Variants in TRDN observed in about 807,000 individuals in gnomAD.
TRDN encodes triadin in skeletal muscle.
TRDN carries 161 observed loss-of-function variants against 149.7 expected under a neutral mutation model. The observed-to-expected ratio is 1.08, with a 90% CI of 0.95 to 1.23. The LOEUF (loss-of-function observed/expected upper bound fraction) is 1.23, where lower values mean the gene tolerates loss of function less well. Among genes scored for constraint, TRDN ranks in the 50% most tolerant of loss-of-function variants. The pLI is 0.00. For synonymous variants in TRDN, 294 were observed against 250.5 expected, an observed-to-expected ratio of 1.17 and a Z score of -1.64; for missense variants, 896 against 823.5, an observed-to-expected ratio of 1.09 and a Z score of -1.08.
intron 13 of TRDN, among the ~76,000 whole-genome samples, chr6:123,393,142 A>C (rs1772571228): frequency 2.0e-5 from 3 of 152,018 alleles, no homozygotes; most frequent in African/African-American, 7.2e-5. Flanking sequence ...ATTTTCTTAG[A>C]TGGCTCATAA....
At chr6:123,405,798 C>A (rs1421370688) in intron 12 of TRDN, among the ~76,000 whole-genome samples, 2 of 151,948 alleles carry the variant, frequency 1.3e-5, no homozygotes, top group African/African-American at 2.4e-5. Context: ...ACCAATGGCC[C>A]CATACTAATT....
chr6:123,239,842 A>G (rs557201331), intron 38 of TRDN, among the ~76,000 whole-genome samples: 1 of 152,172 alleles, frequency 6.6e-6, no homozygotes, highest in South Asian at 2.1e-4. Flanking sequence ...GATATTTATA[A>G]AGGAAACAGA....
intron 8 of TRDN, chr6:123,502,585 G>T (rs1778744824): frequency 2.0e-6 from 2 of 984,630 alleles, no homozygotes; most frequent in African/African-American, 1.7e-5. Context: ...AAATTCAAGA[G>T]AAAAAAGATG....
chr6:123,427,508 C>G (rs113914014), intron 12 of TRDN, among the ~76,000 whole-genome samples: 2,880 of 151,868 alleles, frequency 0.019, 52 homozygotes, highest in Non-Finnish European at 0.032. Context: ...AGAAAGATAC[C>G]CACTCTTTCT....
At chr6:123,372,110 C>T (rs974794860) in intron 19 of TRDN, among the ~76,000 whole-genome samples, 5 of 151,922 alleles carry the variant, frequency 3.3e-5, no homozygotes, top group Non-Finnish European at 5.9e-5. Context: ...CATGCTGGTT[C>T]AGGCCTATAG....
At chr6:123,589,973 A>T (rs144677357) in intron 1 of TRDN, among the ~76,000 whole-genome samples, 1 of 152,234 alleles carries the variant, frequency 6.6e-6, no homozygotes, top group African/African-American at 2.4e-5. Flanking sequence ...TATAAATGAT[A>T]GTAGTCCTAT....
At chr6:123,255,532 T>A (rs752760992) in intron 36 of TRDN, among the ~76,000 whole-genome samples, 1 of 152,182 alleles carries the variant, frequency 6.6e-6, no homozygotes, top group Non-Finnish European at 1.5e-5. Flanking sequence ...TCAGTAATTG[T>A]CATCTTATAT....
At chr6:123,240,184 G>T (rs1775937479) in intron 38 of TRDN, among the ~76,000 whole-genome samples, 1 of 151,810 alleles carries the variant, frequency 6.6e-6, no homozygotes, top group African/African-American at 2.4e-5. Flanking sequence ...TACAGTATTT[G>T]TATTATCCAG....
chr6:123,306,133 A>C (rs1296674657), intron 24 of TRDN, among the ~76,000 whole-genome samples: 1 of 152,274 alleles, frequency 6.6e-6, no homozygotes, highest in Non-Finnish European at 1.5e-5. Flanking sequence ...CCAACAGGAT[A>C]ATATTAGTTC....
chr6:123,278,423 T>G, intron 25 of TRDN, 76 bp from the exon 26 acceptor site: 4 of 915,168 alleles, frequency 4.4e-6, no homozygotes, highest in Non-Finnish European at 5.9e-6. Flanking sequence ...GCATATTTAT[T>G]TTTATATAAT....
At chr6:123,594,535 A>G (rs1209817393) in intron 1 of TRDN, among the ~76,000 whole-genome samples, 2 of 152,006 alleles carry the variant, frequency 1.3e-5, no homozygotes, top group Non-Finnish European at 2.9e-5. Context: ...TCCAAAGGAA[A>G]CCCACTTTCT....
chr6:123,359,554 A>G (rs545155958), intron 20 of TRDN, among the ~76,000 whole-genome samples: 38 of 152,354 alleles, frequency 2.5e-4, no homozygotes, highest in African/African-American at 8.9e-4. Context: ...GTTCTGGTAG[A>G]AGACAATGAA....
chr6:123,372,976 C>T (rs907914917), intron 19 of TRDN, among the ~76,000 whole-genome samples: 1 of 150,568 alleles, frequency 6.6e-6, no homozygotes, highest in African/African-American at 2.4e-5. Flanking sequence ...AGCATCCCTG[C>T]CTAGCCCAAG....
chr6:123,536,687 C>CAGTA (rs1554254680), intron 4 of TRDN, among the ~76,000 whole-genome samples: 1 of 129,854 alleles, frequency 7.7e-6, no homozygotes, highest in African/African-American at 2.9e-5. Context: ...TCCATCTCTA[C>CAGTA]AATAAATAAA....
At chr6:123,350,647 A>G (rs948191740) in intron 21 of TRDN, 1 of 749,636 alleles carries the variant, frequency 1.3e-6, no homozygotes, top group Non-Finnish European at 1.6e-6. Flanking sequence ...TTTTTGTATC[A>G]GTTATTAGTA....
intron 4 of TRDN, among the ~76,000 whole-genome samples, chr6:123,539,685 A>G (rs996443040): frequency 1.3e-5 from 2 of 152,232 alleles, no homozygotes; most frequent in Non-Finnish European, 2.9e-5. Context: ...TCAATGCGAC[A>G]GTGATATATA....
intron 20 of TRDN, among the ~76,000 whole-genome samples, chr6:123,358,613 C>T (rs879541319): frequency 6.7e-6 from 1 of 148,896 alleles, no homozygotes; most frequent in African/African-American, 2.5e-5. Context: ...TACAGGCACC[C>T]GCCACCATGC....
intron 1 of TRDN, among the ~76,000 whole-genome samples, chr6:123,574,249 G>GA (rs1471190514): frequency 4.0e-5 from 6 of 151,344 alleles, no homozygotes; most frequent in Non-Finnish European, 5.9e-5. Flanking sequence ...TCTCTTTTCG[G>GA]AAAAAAAACT....
At chr6:123,598,670 A>G (rs908355333) in intron 1 of TRDN, among the ~76,000 whole-genome samples, 1 of 151,998 alleles carries the variant, frequency 6.6e-6, no homozygotes, top group African/African-American at 2.4e-5. Flanking sequence ...TTCATATTGC[A>G]TTTTGTCTAT....
Sources: allele counts gnomAD v4.1 joint callset (sites outside exome capture counted in the v4.1 genomes callset), GRCh38; gene constraint gnomAD v4.1.1; transcripts MANE v1.5; gene names NCBI Gene and HGNC (gene_info 2026-07-23, HGNC 2026-07-21).